EPHA6: variants seen among roughly 807,000 people sequenced by gnomAD.
EPHA6 encodes the protein EPH receptor A6.
EPHA6 carries 50 observed loss-of-function variants against 112.0 expected under a neutral mutation model. That is an observed-to-expected ratio of 0.45 (90% confidence interval 0.36 to 0.56). The LOEUF (loss-of-function observed/expected upper bound fraction) is 0.56. EPHA6 is among the 20% of genes least tolerant of loss of function. The pLI is 0.00. For synonymous variants in EPHA6, 529 were observed against 490.7 expected, an observed-to-expected ratio of 1.08 and a Z score of -1.03; for missense variants, 1,280 against 1,417.4, an observed-to-expected ratio of 0.90 and a Z score of 1.56.
chr3:96,962,152 G>GA (rs66506007), intron 2 of EPHA6, among the ~76,000 whole-genome samples: 28,065 of 151,854 alleles, frequency 0.18, 4,728 homozygotes, highest in African/African-American at 0.45. Flanking sequence ...TTTTGTTGGA[G>GA]ACAAAACCCA....
intron 14 of EPHA6, among the ~76,000 whole-genome samples, chr3:97,696,918 A>G (rs1275691875): frequency 6.6e-6 from 1 of 152,216 alleles, no homozygotes; most frequent in Non-Finnish European, 1.5e-5. Context: ...TCTTTGCGAT[A>G]CATAATTGTA....
chr3:97,500,756 A>G (rs770090453), intron 10 of EPHA6, among the ~76,000 whole-genome samples: 3 of 152,174 alleles, frequency 2.0e-5, no homozygotes, highest in Non-Finnish European at 4.4e-5. Flanking sequence ...ATTATTATCA[A>G]TGGCTCATTT....
At chr3:97,250,967 G>C (rs2079120069) in intron 5 of EPHA6, among the ~76,000 whole-genome samples, 2 of 151,632 alleles carry the variant, frequency 1.3e-5, no homozygotes, top group African/African-American at 4.8e-5. Context: ...CCTGGGTTCA[G>C]ACAATTCTCT....
At chr3:97,449,876 G>A (rs1222534250) in intron 7 of EPHA6, among the ~76,000 whole-genome samples, 2 of 152,018 alleles carry the variant, frequency 1.3e-5, no homozygotes, top group Non-Finnish European at 2.9e-5. Flanking sequence ...AGCTACTTGG[G>A]TTTCAGATTC....
intron 6 of EPHA6, among the ~76,000 whole-genome samples, chr3:97,415,002 C>A (rs1468317230): frequency 6.6e-6 from 1 of 151,916 alleles, no homozygotes; most frequent in African/African-American, 2.4e-5. Flanking sequence ...ACTTGCAGAA[C>A]AGAAGGGTCA....
At chr3:97,619,940 A>G (rs1360327330) in intron 13 of EPHA6, among the ~76,000 whole-genome samples, 1 of 152,120 alleles carries the variant, frequency 6.6e-6, no homozygotes, top group Non-Finnish European at 1.5e-5. Context: ...TGGAACCAAC[A>G]AAGAACCCAA....
chr3:97,282,575 T>G (rs945477091), intron 5 of EPHA6, among the ~76,000 whole-genome samples: 2 of 152,088 alleles, frequency 1.3e-5, no homozygotes, highest in African/African-American at 4.8e-5. Flanking sequence ...AGCAAAGACA[T>G]GGAATCAACC....
chr3:97,251,220 T>G (rs879751806), intron 5 of EPHA6, among the ~76,000 whole-genome samples: 6 of 151,912 alleles, frequency 3.9e-5, no homozygotes, highest in Non-Finnish European at 7.4e-5. Context: ...AGGATTAAAA[T>G]AGCATTAATG....
chr3:97,347,041 T>A (rs1400533251), intron 5 of EPHA6, among the ~76,000 whole-genome samples: 3 of 152,030 alleles, frequency 2.0e-5, no homozygotes, highest in Admixed American at 2.0e-4. Flanking sequence ...ACATTTTTAT[T>A]ACTGTTGAAA....
chr3:96,992,901 C>T (rs2043269175), intron 3 of EPHA6, among the ~76,000 whole-genome samples: 1 of 152,150 alleles, frequency 6.6e-6, no homozygotes, highest in Non-Finnish European at 1.5e-5. Context: ...GTTATTATCA[C>T]TCTCCTCTGT....
chr3:97,251,690 A>T (rs555612773), intron 5 of EPHA6, among the ~76,000 whole-genome samples: 74 of 152,344 alleles, frequency 4.9e-4, no homozygotes, highest in African/African-American at 1.7e-3. Context: ...GACCATCATT[A>T]GATGAGTGTT....
intron 14 of EPHA6, among the ~76,000 whole-genome samples, chr3:97,678,398 T>C (rs2031581953): frequency 6.6e-6 from 1 of 152,128 alleles, no homozygotes; most frequent in Non-Finnish European, 1.5e-5. Flanking sequence ...GCTCTCAGTT[T>C]TGAAGACTAC....
intron 1 of EPHA6, among the ~76,000 whole-genome samples, chr3:96,861,284 A>G (rs2035988380): frequency 6.6e-6 from 1 of 152,136 alleles, no homozygotes; most frequent in Non-Finnish European, 1.5e-5. Flanking sequence ...TTCTTGCTCT[A>G]GAGTATAACT....
At chr3:97,114,198 C>G (rs1014700529) in intron 3 of EPHA6, among the ~76,000 whole-genome samples, 1 of 152,048 alleles carries the variant, frequency 6.6e-6, no homozygotes, top group Non-Finnish European at 1.5e-5. Flanking sequence ...AAATGCTAAC[C>G]ACATTTAGGA....
chr3:96,960,278 T>G (rs2041908724), intron 2 of EPHA6, among the ~76,000 whole-genome samples: 1 of 152,102 alleles, frequency 6.6e-6, no homozygotes, highest in African/African-American at 2.4e-5. Context: ...GTGAGAGCCA[T>G]TAATGGGTTT....
At chr3:96,864,269 T>C (rs1440584098) in intron 1 of EPHA6, among the ~76,000 whole-genome samples, 1 of 152,062 alleles carries the variant, frequency 6.6e-6, no homozygotes, top group East Asian at 1.9e-4. Context: ...AAAATCTGTA[T>C]AGGAAAGCTT....
At chr3:97,255,659 G>C (rs939993344) in intron 5 of EPHA6, among the ~76,000 whole-genome samples, 2 of 152,090 alleles carry the variant, frequency 1.3e-5, no homozygotes, top group Non-Finnish European at 2.9e-5. Flanking sequence ...CATTTTGAAA[G>C]ACTCAAATAA....
chr3:96,937,914 T>C (rs1261545842), intron 2 of EPHA6, among the ~76,000 whole-genome samples: 1 of 152,206 alleles, frequency 6.6e-6, no homozygotes, highest in Non-Finnish European at 1.5e-5. Flanking sequence ...GATCAGATAG[T>C]TGTAGATACG....
At chr3:97,094,698 A>C (rs946242913) in intron 3 of EPHA6, among the ~76,000 whole-genome samples, 3 of 152,146 alleles carry the variant, frequency 2.0e-5, no homozygotes, top group Non-Finnish European at 4.4e-5. Context: ...ATAATTGTAA[A>C]GTTCTTTTAG....
Sources: allele counts gnomAD v4.1 joint callset (sites outside exome capture counted in the v4.1 genomes callset), GRCh38; gene constraint gnomAD v4.1.1; transcripts MANE v1.5; gene names NCBI Gene and HGNC (gene_info 2026-07-23, HGNC 2026-07-21).